DPP6: variants seen among roughly 807,000 people sequenced by gnomAD.
The protein encoded by DPP6 is dipeptidyl peptidase like 6, also known as A-type potassium channel modulatory protein DPP6.
Under a neutral mutation model 122.6 loss-of-function variants are expected in DPP6, and 69 were observed. The observed-to-expected ratio is 0.56, with a 90% CI of 0.46 to 0.69. The LOEUF (loss-of-function observed/expected upper bound fraction) is 0.69. DPP6 is among the 30% of genes least tolerant of loss of function. The probability of loss-of-function intolerance (pLI) is 0.00; values close to 1 mark genes in which losing one functional copy is unlikely to be tolerated. For missense variants in DPP6, 928 were observed against 1,116.9 expected (o/e 0.83, Z 2.41); for synonymous variants, 418 against 433.1 (o/e 0.97, Z 0.43).
chr7:154,126,414 C>G (rs3111981), intron 1 of DPP6, among the ~76,000 whole-genome samples: 122,175 of 151,724 alleles, frequency 0.81, 49,359 homozygotes, highest in Middle Eastern at 0.86. Context: ...CATTCACGTC[C>G]AGACAGGGAA....
chr7:154,152,278 C>T (rs578107003), intron 1 of DPP6, among the ~76,000 whole-genome samples: 2 of 152,170 alleles, frequency 1.3e-5, no homozygotes, highest in Non-Finnish European at 2.9e-5. Context: ...GCTGCCTGTC[C>T]AGCACATGAA....
chr7:154,171,482 G>A (rs1797531650), intron 1 of DPP6, among the ~76,000 whole-genome samples: 1 of 152,222 alleles, frequency 6.6e-6, no homozygotes, highest in South Asian at 2.1e-4. Context: ...GCACCTCTCA[G>A]CACTGCCTCC....
intron 8 of DPP6, among the ~76,000 whole-genome samples, chr7:154,746,341 G>A (rs1213101117): frequency 1.3e-5 from 2 of 152,158 alleles, no homozygotes; most frequent in African/African-American, 4.8e-5. Flanking sequence ...AAGAAGAGGG[G>A]AGCTCCATGC....
At chr7:153,765,401 G>A in the DPP6 span, among the ~76,000 whole-genome samples, 1 of 152,078 alleles carries the variant, frequency 6.6e-6, no homozygotes. Flanking sequence ...AATTAGCCAG[G>A]CATGGTGGCG....
chr7:154,369,720 C>T (rs17203644), intron 1 of DPP6, among the ~76,000 whole-genome samples: 14,222 of 152,258 alleles, frequency 0.093, 805 homozygotes, highest in South Asian at 0.17. Context: ...GAATTGCTAA[C>T]GCTGCCCTTG....
At chr7:154,335,710 G>C (rs1809352534) in intron 1 of DPP6, among the ~76,000 whole-genome samples, 1 of 152,150 alleles carries the variant, frequency 6.6e-6, no homozygotes, top group Admixed American at 6.5e-5. Context: ...TGCAGGCTCA[G>C]GAAAGTGACT....
At chr7:154,659,853 C>T (rs777622687) in intron 6 of DPP6, among the ~76,000 whole-genome samples, 6 of 152,218 alleles carry the variant, frequency 3.9e-5, no homozygotes, top group Non-Finnish European at 7.3e-5. Flanking sequence ...AAAACAATTA[C>T]CTCTTTGGAC....
chr7:154,629,313 CT>C lies in DPP6; in HGVS notation c.628-8506del, dbSNP rs574396416. Among the ~76,000 whole-genome samples, 6 of 152,246 alleles carry C rather than the reference CT, an allele frequency of 3.9e-5. No homozygotes were observed. The South Asian group carries it at 1.2e-3, about 32-fold the overall frequency. ...AGCCAAGAAATAGAATATTTTCCAG[CT>C]TCTTTTTGGTGCTTTTATTTTTTTC... On this transcript the variant is annotated intron_variant, in intron 5 of 25. Transcript: ENST00000377770.
chr7:154,248,115 C>G (rs575482649), intron 1 of DPP6, among the ~76,000 whole-genome samples: 1 of 152,096 alleles, frequency 6.6e-6, no homozygotes, highest in Non-Finnish European at 1.5e-5. Flanking sequence ...CAAGAGAGCT[C>G]TCTGGGGCCC....
chr7:154,608,202 A>G (rs1025128834), intron 5 of DPP6, among the ~76,000 whole-genome samples: 1 of 150,398 alleles, frequency 6.6e-6, no homozygotes, highest in African/African-American at 2.4e-5. Flanking sequence ...GATGGTCTTG[A>G]TCTCCTGACC....
the DPP6 span, among the ~76,000 whole-genome samples, chr7:153,876,087 T>C: frequency 6.6e-6 from 1 of 152,048 alleles, no homozygotes; most frequent in Non-Finnish European, 1.5e-5. Context: ...AAAGGGTCTA[T>C]CTGACAAGAA....
At chr7:154,596,783 G>A (rs73727310) in intron 5 of DPP6, among the ~76,000 whole-genome samples, 4,551 of 152,228 alleles carry the variant, frequency 0.03, 217 homozygotes, top group African/African-American at 0.1. Flanking sequence ...CAAATGAGGC[G>A]AATCTGAACA....
In DPP6 at chr7:154,738,811, G is replaced by A. The variant is rs548329456; in HGVS notation, c.883+10924G>A. 1.1e-4 allele frequency among the ~76,000 whole-genome samples: 17 copies of A among 152,344 alleles called. No individual in the cohort carries two copies. In the South Asian group the frequency reaches 2.5e-3, roughly 22 times the overall value. On this transcript the variant is annotated intron_variant, in intron 8 of 25. Coordinates refer to ENST00000377770, the MANE Select transcript of DPP6 (RefSeq NM_130797.4). The stretch of plus-strand genomic sequence containing the variant: ...GCATTCCCTTCCATAAACTTCAAAC[G>A]TAAGCCTGATCAGAACAAGGCTAGC...
chr7:154,634,220 T>A (rs2130910369), intron 5 of DPP6, among the ~76,000 whole-genome samples: 1 of 140,702 alleles, frequency 7.1e-6, no homozygotes, highest in East Asian at 2.2e-4. Flanking sequence ...GTCCATGTGT[T>A]CTCATTGTTC....
chr7:154,258,758 A>G (rs536221699), intron 1 of DPP6, among the ~76,000 whole-genome samples: 1 of 151,566 alleles, frequency 6.6e-6, no homozygotes, highest in African/African-American at 2.4e-5. Flanking sequence ...AAACCACCAC[A>G]TTATACAAAA....
chr7:154,060,251 G>A (rs575570307), intron 1 of DPP6, among the ~76,000 whole-genome samples: 1 of 140,296 alleles, frequency 7.1e-6, no homozygotes, highest in Admixed American at 6.9e-5. Flanking sequence ...ATCGCTGGGG[G>A]CGGAGGCACC....
chr7:154,868,360 G>A (rs571223868), intron 18 of DPP6, among the ~76,000 whole-genome samples: 11 of 152,288 alleles, frequency 7.2e-5, no homozygotes, highest in African/African-American at 2.4e-4. Flanking sequence ...AGACTCCAAC[G>A]CTCTCCTTCT....
At chr7:153,816,148 C>T in the DPP6 span, among the ~76,000 whole-genome samples, 1 of 151,830 alleles carries the variant, frequency 6.6e-6, no homozygotes, top group Non-Finnish European at 1.5e-5. Context: ...TAATTATTAT[C>T]TCAACAAAAA....
At chr7:154,428,594 G>A (rs76229983) in intron 1 of DPP6, among the ~76,000 whole-genome samples, 5 of 152,142 alleles carry the variant, frequency 3.3e-5, no homozygotes, top group African/African-American at 1.2e-4. Flanking sequence ...ATATGGAATC[G>A]ACCTAAGTGT....
Sources: gnomAD v4.1 joint callset for allele counts (sites outside exome capture counted in the v4.1 genomes callset) on GRCh38, gnomAD v4.1.1 for gene constraint, MANE v1.5 for transcripts, NCBI Gene and HGNC (gene_info 2026-07-23, HGNC 2026-07-21) for gene names.